Variants in ITPRID1 observed in about 807,000 individuals in gnomAD.
ITPRID1 encodes protein ITPRID1.
Under a neutral mutation model 95.4 loss-of-function variants are expected in ITPRID1, and 96 were observed. That is an observed-to-expected ratio of 1.01 (90% CI 0.85 to 1.19). The LOEUF (loss-of-function observed/expected upper bound fraction) is 1.19, where lower values mean the gene tolerates loss of function less well. Among genes scored for constraint, ITPRID1 ranks in the 50% most tolerant of loss-of-function variants. The pLI is 0.00. For synonymous variants in ITPRID1, 510 were observed against 453.6 expected, an observed-to-expected ratio of 1.12 and a Z score of -1.58; for missense variants, 1,339 against 1,252.9, an observed-to-expected ratio of 1.07 and a Z score of -1.04.
chr7:31,528,983 T>C (rs752379066), intron 1 of ITPRID1, among the ~76,000 whole-genome samples: 1 of 152,190 alleles, frequency 6.6e-6, no homozygotes, highest in Non-Finnish European at 1.5e-5. Flanking sequence ...GCATGGCAAA[T>C]GTAACAGTGG....
At chr7:31,560,267 G>A (rs1784582300) in intron 5 of ITPRID1, among the ~76,000 whole-genome samples, 1 of 152,158 alleles carries the variant, frequency 6.6e-6, no homozygotes, top group Non-Finnish European at 1.5e-5. Flanking sequence ...TGAGAGTAGA[G>A]GGCTAGGGGT....
chr7:31,523,251 C>T (rs1031701318), intron 1 of ITPRID1, among the ~76,000 whole-genome samples: 1 of 152,190 alleles, frequency 6.6e-6, no homozygotes, highest in African/African-American at 2.4e-5. Context: ...AAGAAGAATT[C>T]AGCCATTTTG....
At chr7:31,551,755 C>T (rs2128136122) in intron 2 of ITPRID1, among the ~76,000 whole-genome samples, 1 of 143,636 alleles carries the variant, frequency 7.0e-6, no homozygotes, top group Non-Finnish European at 1.6e-5. Flanking sequence ...GAATGGTTTG[C>T]CTTTTGCAAA....
intron 10 of ITPRID1, among the ~76,000 whole-genome samples, chr7:31,627,395 T>C (rs1192471640): frequency 2.0e-5 from 3 of 152,166 alleles, no homozygotes; most frequent in Non-Finnish European, 4.4e-5. Context: ...TGGTGGCTCA[T>C]GCCTATAATC....
At chr7:31,529,579 T>C in intron 1 of ITPRID1, 2 of 536,684 alleles carry the variant, frequency 3.7e-6, no homozygotes, top group Non-Finnish European at 6.6e-6. Flanking sequence ...AATCACTTTG[T>C]GTCTTTACCC....
chr7:31,637,877 A>G (rs1347477475), intron 10 of ITPRID1, among the ~76,000 whole-genome samples: 1 of 152,146 alleles, frequency 6.6e-6, no homozygotes, highest in Admixed American at 6.6e-5. Context: ...TAGGTCTAAC[A>G]TGTAAGTCTT....
At chr7:31,645,881 G>A (rs1790422926) in intron 12 of ITPRID1, among the ~76,000 whole-genome samples, 1 of 152,122 alleles carries the variant, frequency 6.6e-6, no homozygotes, top group Non-Finnish European at 1.5e-5. Context: ...TAGTGTCAAG[G>A]CTGTAAAACT....
At chr7:31,622,098 C>A (rs976606347) in intron 10 of ITPRID1, among the ~76,000 whole-genome samples, 12 of 139,150 alleles carry the variant, frequency 8.6e-5, no homozygotes, top group Non-Finnish European at 1.2e-4. Context: ...CACCCAGATT[C>A]ATAAAGCAAG....
chr7:31,516,343 C>T (rs1783040279), intron 1 of ITPRID1, among the ~76,000 whole-genome samples: 1 of 152,100 alleles, frequency 6.6e-6, no homozygotes, highest in Non-Finnish European at 1.5e-5. Flanking sequence ...GAGAAAAGAA[C>T]TAATATATCA....
At chr7:31,618,300 G>A (rs1268092067) in intron 10 of ITPRID1, among the ~76,000 whole-genome samples, 1 of 152,016 alleles carries the variant, frequency 6.6e-6, no homozygotes, top group African/African-American at 2.4e-5. Context: ...AAAGTAATTA[G>A]GACTGTTCAT....
At chr7:31,629,215 C>T (rs1402611741) in intron 10 of ITPRID1, among the ~76,000 whole-genome samples, 2 of 152,116 alleles carry the variant, frequency 1.3e-5, no homozygotes, top group Non-Finnish European at 2.9e-5. Flanking sequence ...GATCTGCCCT[C>T]CTTTTTGTCT....
At chr7:31,605,970 C>G (rs1438012117) in intron 10 of ITPRID1, among the ~76,000 whole-genome samples, 1 of 152,184 alleles carries the variant, frequency 6.6e-6, no homozygotes, top group East Asian at 1.9e-4. Context: ...GCATGGCAGT[C>G]TCACAGGTGG....
chr7:31,621,712 A>C (rs571345857), intron 10 of ITPRID1, among the ~76,000 whole-genome samples: 1,816 of 146,440 alleles, frequency 0.012, 67 homozygotes, highest in African/African-American at 0.043. Flanking sequence ...CGAGCAAAAT[A>C]ACCAGCTAAC....
chr7:31,574,389 A>G, intron 7 of ITPRID1, 151 bp from the exon 8 acceptor site: 1 of 665,348 alleles, frequency 1.5e-6, no homozygotes, highest in Non-Finnish European at 2.6e-6. Context: ...TCCTTTAAGT[A>G]AGTATATAGG....
Position 31,642,577 on chromosome 7 carries a change from TTA to T in ITPRID1, c.1312-103_1312-102del, listed in dbSNP as rs567121460. 617 of 1,030,038 alleles carry T rather than the reference TTA, an allele frequency of 6.0e-4. 3 individuals are homozygous for T. In the African/African-American group the frequency reaches 9.4e-3, roughly 16 times the overall value. The allele number at this position is 1,030,038 out of a possible 1,614,324, so 63.8% of individuals were successfully genotyped here. On this transcript the variant is annotated intron_variant, in intron 11 of 14. Coordinates refer to ENST00000615280, the MANE Select transcript of ITPRID1 (RefSeq NM_001257967.3). ...GATGCAAAACCTGATGTTGCAACCCTTATCTCCTGACTCCTAAGGCAATGACA... is the reference window on the plus strand; with the variant it reads ...GATGCAAAACCTGATGTTGCAACCCTTCTCCTGACTCCTAAGGCAATGACA...
At chr7:31,576,494 A>C (rs549197814) in intron 8 of ITPRID1, among the ~76,000 whole-genome samples, 1 of 152,312 alleles carries the variant, frequency 6.6e-6, no homozygotes, top group African/African-American at 2.4e-5. Flanking sequence ...ATTATCATTC[A>C]ATTGTACCCT....
At chr7:31,592,107 C>T (rs2128154917) in intron 10 of ITPRID1, among the ~76,000 whole-genome samples, 1 of 152,232 alleles carries the variant, frequency 6.6e-6, no homozygotes, top group East Asian at 1.9e-4. Context: ...ATACCCAGCC[C>T]TACTCTTTTT....
At chr7:31,650,639 C>T (rs778931294) in intron 12 of ITPRID1, among the ~76,000 whole-genome samples, 3 of 152,128 alleles carry the variant, frequency 2.0e-5, no homozygotes, top group Non-Finnish European at 4.4e-5. Context: ...TTCCAACCTC[C>T]AGGACTGTGA....
At chr7:31,580,480 C>G (rs1785359883) in intron 9 of ITPRID1, among the ~76,000 whole-genome samples, 1 of 151,852 alleles carries the variant, frequency 6.6e-6, no homozygotes, top group Non-Finnish European at 1.5e-5. Flanking sequence ...ATCGAAATGT[C>G]AGAGTATAGG....
Sources: gnomAD v4.1 joint callset for allele counts (sites outside exome capture counted in the v4.1 genomes callset) on GRCh38, gnomAD v4.1.1 for gene constraint, MANE v1.5 for transcripts, NCBI Gene and HGNC (gene_info 2026-07-23, HGNC 2026-07-21) for gene names.